The following CAST variants were observed in gnomAD, a reference collection of about 807,000 sequenced individuals.
The protein encoded by CAST is MIR583 host.
CAST carries 76 observed loss-of-function variants against 119.6 expected under a neutral mutation model. The observed-to-expected ratio is 0.64, with a 90% CI of 0.53 to 0.77. The LOEUF (loss-of-function observed/expected upper bound fraction) is 0.77. Among genes scored for constraint, CAST ranks in the 30% least tolerant of loss-of-function variants. CAST has a pLI of 0.00. For missense variants in CAST, 953 were observed against 946.5 expected (o/e 1.01, Z -0.09); for synonymous variants, 319 against 331.6 (o/e 0.96, Z 0.41).
At chr5:96,313,980 T>G in the CAST span, among the ~76,000 whole-genome samples, 1 of 152,214 alleles carries the variant, frequency 6.6e-6, no homozygotes, top group African/African-American at 2.4e-5. Flanking sequence ...TCCTGTCCAT[T>G]TTGGACCACT....
chr5:96,075,974 G>A, the CAST span, among the ~76,000 whole-genome samples: 5 of 152,198 alleles, frequency 3.3e-5, no homozygotes, highest in Admixed American at 2.0e-4. Context: ...TCTAATTGGT[G>A]TCTGTGCCTT....
intron 1 of CAST, among the ~76,000 whole-genome samples, chr5:96,667,502 T>C (rs979284538): frequency 1.3e-5 from 2 of 152,174 alleles, no homozygotes; most frequent in African/African-American, 4.8e-5. Context: ...TTCAGGTGAA[T>C]CCCAGGAGCT....
chr5:96,394,924 C>A, the CAST span: 11 of 1,614,122 alleles, frequency 6.8e-6, no homozygotes, highest in Non-Finnish European at 9.3e-6. Flanking sequence ...TGTTGTAGGA[C>A]GTGTACACAC....
the CAST span, among the ~76,000 whole-genome samples, chr5:96,309,521 A>G: frequency 6.6e-6 from 1 of 152,232 alleles, no homozygotes; most frequent in African/African-American, 2.4e-5. Context: ...TCCTGCACCT[A>G]GTTCGGTGTC....
the CAST span, among the ~76,000 whole-genome samples, chr5:96,360,436 T>A: frequency 6.6e-6 from 1 of 152,182 alleles, no homozygotes; most frequent in East Asian, 1.9e-4. Flanking sequence ...TTTCAGCCAT[T>A]TTGCACTGGT....
chr5:96,459,224 T>C, the CAST span, among the ~76,000 whole-genome samples: 1 of 152,198 alleles, frequency 6.6e-6, no homozygotes. Flanking sequence ...GTCTGCTTTC[T>C]AGGGCTGGTT....
chr5:96,747,498 A>G, intron 18 of CAST, 106 bp downstream of exon 18: 1 of 687,438 alleles, frequency 1.5e-6, no homozygotes, highest in Non-Finnish European at 2.5e-6. Flanking sequence ...CTTGCATGCT[A>G]ACCTAGTACA....
chr5:96,495,160 A>G, the CAST span, among the ~76,000 whole-genome samples: 5 of 151,188 alleles, frequency 3.3e-5, no homozygotes, highest in Non-Finnish European at 4.4e-5. Flanking sequence ...TGTTATCAAT[A>G]TATTGTAATC....
At chr5:96,622,798 C>T (rs1378963763) in intron 1 of CAST, among the ~76,000 whole-genome samples, 1 of 148,520 alleles carries the variant, frequency 6.7e-6, no homozygotes, top group Non-Finnish European at 1.5e-5. Flanking sequence ...CAGTTTCTTA[C>T]TTGCTATTCA....
At chr5:96,655,350 C>G (rs1748144678) in intron 1 of CAST, among the ~76,000 whole-genome samples, 1 of 152,190 alleles carries the variant, frequency 6.6e-6, no homozygotes, top group African/African-American at 2.4e-5. Flanking sequence ...GGCTGGGAAG[C>G]TGGCTTTCTG....
At chr5:96,253,875 C>T in the CAST span, among the ~76,000 whole-genome samples, 820 of 151,976 alleles carry the variant, frequency 5.4e-3, 6 homozygotes, top group African/African-American at 0.018. Flanking sequence ...TACAAAATTT[C>T]GCCTACTTTG....
chr5:96,678,327 T>C (rs187472785), intron 2 of CAST, among the ~76,000 whole-genome samples: 1 of 152,298 alleles, frequency 6.6e-6, no homozygotes, highest in Admixed American at 6.5e-5. Context: ...CATATGCAAA[T>C]ATACTGGTTA....
the CAST span, among the ~76,000 whole-genome samples, chr5:96,242,936 G>A: frequency 2.8e-3 from 429 of 152,226 alleles, 1 homozygote; most frequent in African/African-American, 9.9e-3. Flanking sequence ...AATCATTGAG[G>A]TTTCTTCATA....
At chr5:96,445,284 A>G in the CAST span, among the ~76,000 whole-genome samples, 1 of 152,224 alleles carries the variant, frequency 6.6e-6, no homozygotes, top group Admixed American at 6.5e-5. Context: ...CTTCTGAGGT[A>G]CACACACCAT....
At chr5:96,291,053 C>T in the CAST span, among the ~76,000 whole-genome samples, 1 of 152,214 alleles carries the variant, frequency 6.6e-6, no homozygotes, top group African/African-American at 2.4e-5. Context: ...CTGAGGCTCT[C>T]CACCAACAGA....
the CAST span, among the ~76,000 whole-genome samples, chr5:96,427,165 A>T: frequency 6.6e-6 from 1 of 152,216 alleles, no homozygotes; most frequent in East Asian, 1.9e-4. Flanking sequence ...GATTTGAAAG[A>T]ATATTATCCT....
chr5:96,270,544 A>T, the CAST span, among the ~76,000 whole-genome samples: 1 of 152,220 alleles, frequency 6.6e-6, no homozygotes, highest in East Asian at 1.9e-4. Context: ...GAACAAGATC[A>T]TGTTCTTTGC....
chr5:96,121,051 C>A, the CAST span, among the ~76,000 whole-genome samples: 1 of 151,986 alleles, frequency 6.6e-6, no homozygotes, highest in Non-Finnish European at 1.5e-5. Context: ...ACCCATTTCC[C>A]AGCTTATTTT....
chr5:96,426,527 A>G, the CAST span, among the ~76,000 whole-genome samples: 1 of 152,294 alleles, frequency 6.6e-6, no homozygotes, highest in South Asian at 2.1e-4. Flanking sequence ...CTGACCACGC[A>G]CACTTACCAT....
Sources: gnomAD v4.1 joint callset for allele counts (sites outside exome capture counted in the v4.1 genomes callset) on GRCh38, gnomAD v4.1.1 for gene constraint, MANE v1.5 for transcripts, NCBI Gene and HGNC (gene_info 2026-07-23, HGNC 2026-07-21) for gene names.